ZBTB46: variants seen among roughly 807,000 people sequenced by gnomAD.
The protein encoded by ZBTB46 is zinc finger and BTB domain containing 46.
A neutral mutation model predicts 44.1 loss-of-function variants in ZBTB46; 8 were observed. The observed-to-expected ratio is 0.18, with a 90% CI of 0.11 to 0.33. The LOEUF (loss-of-function observed/expected upper bound fraction) is 0.33, where lower values mean the gene tolerates loss of function less well. ZBTB46 is among the 10% of genes least tolerant of loss of function. ZBTB46 has a pLI of 1.00. For synonymous variants in ZBTB46, 409 were observed against 382.3 expected, an observed-to-expected ratio of 1.07 and a Z score of -0.81; for missense variants, 651 against 847.7, an observed-to-expected ratio of 0.77 and a Z score of 2.88.
intron 1 of ZBTB46, among the ~76,000 whole-genome samples, chr20:63,807,117 T>C (rs1207037287): frequency 6.6e-6 from 1 of 152,094 alleles, no homozygotes; most frequent in Non-Finnish European, 1.5e-5. Context: ...TTTGATAGAA[T>C]TCAACAGTGA....
intron 1 of ZBTB46, among the ~76,000 whole-genome samples, chr20:63,818,316 G>A (rs1011574034): frequency 1.3e-5 from 2 of 152,234 alleles, no homozygotes; most frequent in African/African-American, 4.8e-5. Context: ...GAAGCCCTCG[G>A]TGCAGCCCCT....
intron 4 of ZBTB46, among the ~76,000 whole-genome samples, chr20:63,747,737 G>A (rs558709476): frequency 1.2e-4 from 18 of 152,262 alleles, no homozygotes; most frequent in African/African-American, 1.7e-4. Context: ...CCAAGGGGAT[G>A]CTGGCACGAG....
At chr20:63,794,180 A>T (rs2092583306) in intron 1 of ZBTB46, among the ~76,000 whole-genome samples, 1 of 141,714 alleles carries the variant, frequency 7.1e-6, no homozygotes, top group Non-Finnish European at 1.5e-5. Context: ...ACAGAGCAAG[A>T]CTCCGTCTCA....
intron 1 of ZBTB46, among the ~76,000 whole-genome samples, chr20:63,827,947 G>C (rs973759980): frequency 4.6e-5 from 7 of 152,118 alleles, no homozygotes; most frequent in Non-Finnish European, 8.8e-5. Context: ...TAGAGACAAG[G>C]CCTCGCTCTG....
rs558297957 is a variant in ZBTB46, at chr20:63,822,489, G to A, written c.-34+8608C>T. Among the ~76,000 whole-genome samples the A allele has an allele frequency of 4.6e-5, 7 of 152,286 alleles. No homozygotes were observed. In the East Asian group the frequency reaches 9.6e-4, roughly 21 times the overall value. On this transcript the variant is annotated intron_variant, in intron 1 of 4. Coordinates refer to ENST00000245663, the MANE Select transcript of ZBTB46 (RefSeq NM_001369741.1). ...AGCACAGGAGGCCTATTCCATTTCA[G>A]TACAATGGGTTCCGTGATTGGCCAA...
In ZBTB46 at chr20:63,789,822, T is replaced by G; in HGVS notation, c.936A>C (p.Ser312=). 6.2e-7 allele frequency: 1 copy of G among 1,606,868 alleles called. No individual in the cohort carries two copies. The highest frequency in any genetic ancestry group is 8.5e-7 in the Non-Finnish European group (1 of 1,177,814). Residue 312 remains serine, a splice_region_variant and synonymous_variant, in exon 2 of 5, where the codon TCA becomes TCC. Coordinates refer to ENST00000245663, the MANE Select transcript of ZBTB46 (RefSeq NM_001369741.1). The part of the protein sequence containing the change: ...TSGWPFSSRD[S]NADLSVTEAS... ...CCCCGTAACGAGTGAAAGGCTTACTTGAGTCTCGGCTGCTGAACGGCCACC... is the reference window on the plus strand; with the variant it reads ...CCCCGTAACGAGTGAAAGGCTTACTGGAGTCTCGGCTGCTGAACGGCCACC...
At chr20:63,760,402 T>G (rs1014504581) in intron 3 of ZBTB46, among the ~76,000 whole-genome samples, 1 of 152,246 alleles carries the variant, frequency 6.6e-6, no homozygotes, top group Non-Finnish European at 1.5e-5. Context: ...TCGCATAAAG[T>G]TGTGTATAAT....
At chr20:63,793,283 A>T (rs1382738171) in intron 1 of ZBTB46, among the ~76,000 whole-genome samples, 1 of 152,148 alleles carries the variant, frequency 6.6e-6, no homozygotes, top group Non-Finnish European at 1.5e-5. Flanking sequence ...GGCTGTGGGG[A>T]GGGGGTCATG....
intron 1 of ZBTB46, among the ~76,000 whole-genome samples, chr20:63,819,875 A>T (rs1440595967): frequency 6.6e-6 from 1 of 152,168 alleles, no homozygotes; most frequent in African/African-American, 2.4e-5. Flanking sequence ...TCTGCTAATG[A>T]TTTCCGAAAA....
At chr20:63,832,253 G>T (rs1215350480), upstream of ZBTB46, among the ~76,000 whole-genome samples, 1 of 152,200 alleles carries the variant, frequency 6.6e-6, no homozygotes, top group East Asian at 1.9e-4. This position sits in a 1 kb window ranked among gnomAD's most constrained non-coding sequence, Gnocchi z 5.0. Context: ...GGCGGGTAGA[G>T]TGGGAAGCGC....
intron 3 of ZBTB46, among the ~76,000 whole-genome samples, chr20:63,766,523 C>T (rs2092321821): frequency 7.2e-6 from 1 of 139,138 alleles, no homozygotes; most frequent in Admixed American, 7.2e-5. Context: ...GCCAAGAGAT[C>T]CCATTTTGAC....
intron 3 of ZBTB46, among the ~76,000 whole-genome samples, chr20:63,765,779 G>A (rs190240557): frequency 1.2e-3 from 183 of 152,324 alleles, no homozygotes; most frequent in Non-Finnish European, 2.0e-3. Flanking sequence ...AATGTTAGAA[G>A]TAGGGATAAA....
chr20:63,798,897 C>A (rs2092623608), intron 1 of ZBTB46, among the ~76,000 whole-genome samples: 1 of 151,264 alleles, frequency 6.6e-6, no homozygotes, highest in Non-Finnish European at 1.5e-5. Context: ...AAAGTGGAAG[C>A]AAGATACCCT....
chr20:63,755,419 C>T (rs983296657), intron 3 of ZBTB46, among the ~76,000 whole-genome samples: 3 of 152,230 alleles, frequency 2.0e-5, no homozygotes, highest in Admixed American at 2.0e-4. Flanking sequence ...GTGACCGCAT[C>T]GCTCCAGTCT....
intron 1 of ZBTB46, among the ~76,000 whole-genome samples, chr20:63,817,640 TG>T (rs1211032086): frequency 2.7e-5 from 4 of 145,938 alleles, no homozygotes; most frequent in African/African-American, 5.2e-5. Context: ...CGCTTAAACC[TG>T]GGAGGTGGAG....
rs2092526518 is a variant in ZBTB46, at chr20:63,787,641, G to A, written c.937+2180C>T. 1 of 152,230 alleles carries A rather than the reference G, an allele frequency of 6.6e-6. No individual in the cohort carries two copies. The highest frequency in any genetic ancestry group is 2.1e-4 in the South Asian group (1 of 4,834). 9.4% of individuals were successfully genotyped at this position (152,230 alleles called of 1,614,324 possible). ...GCTGCACTTTCTAGTTTTGTGACGGGCGCTCCATGACGCTCCCAGAGCAAC... is the reference window on the plus strand; with the variant it reads ...GCTGCACTTTCTAGTTTTGTGACGGACGCTCCATGACGCTCCCAGAGCAAC... On this transcript the variant is annotated intron_variant, in intron 2 of 4. Transcript: ENST00000245663. This position sits in a 1 kb window ranked among gnomAD's most constrained non-coding sequence, Gnocchi z 4.6.
At position 63,744,109 on chromosome 20, in the gene ZBTB46, G is replaced by A. The variant is rs2092063946; in HGVS notation, c.*2821C>T. The A allele has an allele frequency of 6.6e-6, 1 of 152,060 alleles. No individual in the cohort carries two copies. The highest frequency in any genetic ancestry group is 2.4e-5 in the African/African-American group (1 of 41,348). The allele number at this position is 152,060 out of a possible 1,614,324, so 9.4% of individuals were successfully genotyped here. ...GGGCTGCATACAAAACACAATATAA[G>A]ATCTAAAAAAAACCACCACCATTAA... On this transcript the variant is annotated 3_prime_UTR_variant, in exon 5 of 5. Coordinates refer to ENST00000245663, the MANE Select transcript of ZBTB46 (RefSeq NM_001369741.1).
intron 1 of ZBTB46, among the ~76,000 whole-genome samples, chr20:63,813,035 T>C (rs1174911615): frequency 1.3e-5 from 2 of 151,618 alleles, no homozygotes; most frequent in Non-Finnish European, 2.9e-5. Flanking sequence ...AAGGCGGAGG[T>C]TGCAGTGAGC....
intron 1 of ZBTB46, among the ~76,000 whole-genome samples, chr20:63,817,373 C>G (rs2092765250): frequency 6.6e-6 from 1 of 151,818 alleles, no homozygotes. Flanking sequence ...CCACTGTACT[C>G]CAGCCTGGCC....
Sources: gnomAD v4.1 joint callset for allele counts (sites outside exome capture counted in the v4.1 genomes callset) on GRCh38, gnomAD v4.1.1 for gene constraint, Gnocchi (gnomAD v3.1) non-coding constraint, MANE v1.5 for transcripts, NCBI Gene and HGNC (gene_info 2026-07-23, HGNC 2026-07-21) for gene names.